TENM3: variants seen among roughly 807,000 people sequenced by gnomAD.
TENM3 encodes teneurin-3.
A neutral mutation model predicts 255.1 loss-of-function variants in TENM3; 63 were observed. The observed-to-expected ratio is 0.25, with a 90% confidence interval of 0.20 to 0.30. TENM3 has a LOEUF of 0.30. TENM3 is among the 10% of genes least tolerant of loss of function. TENM3 has a pLI of 1.00. For missense variants in TENM3, 2,929 were observed against 3,461.1 expected, an observed-to-expected ratio of 0.85 and a Z score of 3.86; for synonymous variants, 1,306 against 1,322.3, an observed-to-expected ratio of 0.99 and a Z score of 0.27.
At chr4:181,640,913 A>G in the TENM3 span, among the ~76,000 whole-genome samples, 1 of 152,204 alleles carries the variant, frequency 6.6e-6, no homozygotes, top group Non-Finnish European at 1.5e-5. Flanking sequence ...AATTCCATAG[A>G]AACCATAACA....
At chr4:182,659,575 C>T (rs998374037) in intron 6 of TENM3, among the ~76,000 whole-genome samples, 3 of 152,176 alleles carry the variant, frequency 2.0e-5, no homozygotes, top group Non-Finnish European at 4.4e-5. Context: ...CATCACTGGT[C>T]CAGGAGGCCC....
upstream of TENM3, among the ~76,000 whole-genome samples, chr4:182,239,068 TGTGTG>T (rs1757078297): frequency 6.7e-6 from 1 of 148,360 alleles, no homozygotes; most frequent in African/African-American, 2.6e-5. Context: ...TGTGTGTGTG[TGTGTG>T]TATTTTTTTT....
the TENM3 span, among the ~76,000 whole-genome samples, chr4:181,949,910 G>T: frequency 6.6e-6 from 1 of 151,906 alleles, no homozygotes; most frequent in Non-Finnish European, 1.5e-5. Context: ...CTTCCTCCAG[G>T]CCTCTGCACA....
intron 1 of TENM3, among the ~76,000 whole-genome samples, chr4:182,299,696 GAGATGGGACAAGTA>G (rs1258123501): frequency 6.6e-6 from 1 of 152,026 alleles, no homozygotes; most frequent in East Asian, 1.9e-4. Context: ...CCCCATTGTA[GAGATGGGACAAGTA>G]AGTTAAATTA....
At chr4:181,941,269 T>C in the TENM3 span, among the ~76,000 whole-genome samples, 4 of 152,008 alleles carry the variant, frequency 2.6e-5, no homozygotes, top group Admixed American at 1.3e-4. Context: ...ATACCACCTC[T>C]TCCTCATTCT....
At chr4:182,133,023 C>T in the TENM3 span, among the ~76,000 whole-genome samples, 5 of 152,058 alleles carry the variant, frequency 3.3e-5, no homozygotes, top group Non-Finnish European at 5.9e-5. Context: ...GTAGGCCAGG[C>T]GAGTCAGGAG....
the TENM3 span, among the ~76,000 whole-genome samples, chr4:181,676,811 T>C: frequency 1.3e-5 from 2 of 152,174 alleles, no homozygotes; most frequent in East Asian, 1.9e-4. Flanking sequence ...CCCAAAATGA[T>C]TCACTTTGAT....
the TENM3 span, among the ~76,000 whole-genome samples, chr4:181,848,727 A>C: frequency 1.3e-5 from 2 of 152,224 alleles, no homozygotes; most frequent in Non-Finnish European, 2.9e-5. Flanking sequence ...AAATTTGTTT[A>C]AGGACAAAAA....
chr4:182,177,964 T>TTG (rs1554026699), intron 1 of TENM3, among the ~76,000 whole-genome samples: 2 of 137,910 alleles, frequency 1.5e-5, no homozygotes, highest in Non-Finnish European at 3.3e-5. Flanking sequence ...TTTTGTTTTT[T>TTG]TTTTTTTTTT....
intron 1 of TENM3, among the ~76,000 whole-genome samples, chr4:182,314,160 G>C (rs1762610038): frequency 6.6e-6 from 1 of 152,054 alleles, no homozygotes; most frequent in Admixed American, 6.6e-5. Context: ...AATTAGCCGG[G>C]CGCTTTGGCA....
the TENM3 span, among the ~76,000 whole-genome samples, chr4:181,697,888 A>G: frequency 1.3e-5 from 2 of 152,110 alleles, no homozygotes; most frequent in Non-Finnish European, 2.9e-5. Flanking sequence ...TGCTCCTAAT[A>G]TCTAAAAAAA....
the TENM3 span, among the ~76,000 whole-genome samples, chr4:181,884,928 T>G: frequency 6.6e-6 from 1 of 152,164 alleles, no homozygotes; most frequent in Non-Finnish European, 1.5e-5. Context: ...TTCTTAATTT[T>G]TATAAAAATT....
the TENM3 span, among the ~76,000 whole-genome samples, chr4:181,570,956 A>G: frequency 4.6e-5 from 7 of 152,328 alleles, no homozygotes; most frequent in African/African-American, 1.7e-4. Context: ...TGTTCAGTGT[A>G]GATCTGACGT....
At chr4:181,920,925 G>A in the TENM3 span, among the ~76,000 whole-genome samples, 2 of 152,202 alleles carry the variant, frequency 1.3e-5, no homozygotes, top group African/African-American at 4.8e-5. Context: ...GTGTAAGGAA[G>A]GGATCCAGGT....
At chr4:181,921,559 G>C in the TENM3 span, among the ~76,000 whole-genome samples, 1 of 152,196 alleles carries the variant, frequency 6.6e-6, no homozygotes, top group Non-Finnish European at 1.5e-5. Context: ...GTATAAGAAT[G>C]CTTGTGATTT....
intron 1 of TENM3, among the ~76,000 whole-genome samples, chr4:182,263,460 C>T (rs1759005494): frequency 1.3e-5 from 2 of 152,134 alleles, no homozygotes; most frequent in South Asian, 4.1e-4. Context: ...TAAAGTCCGC[C>T]TCTGCTAAGA....
At chr4:182,714,745 G>T (rs2152679891) in intron 13 of TENM3, among the ~76,000 whole-genome samples, 1 of 152,214 alleles carries the variant, frequency 6.6e-6, no homozygotes, top group East Asian at 1.9e-4. Context: ...ATTCCACCCA[G>T]TTGAAGCCCT....
chr4:182,030,256 CCA>C, the TENM3 span, among the ~76,000 whole-genome samples: 1 of 151,906 alleles, frequency 6.6e-6, no homozygotes, highest in Non-Finnish European at 1.5e-5. Context: ...ATGACAGGCC[CCA>C]GTGTTTTGTG....
intron 1 of TENM3, among the ~76,000 whole-genome samples, chr4:182,312,106 C>T (rs1762482712): frequency 6.6e-6 from 1 of 152,194 alleles, no homozygotes; most frequent in South Asian, 2.1e-4. Flanking sequence ...CATAGTTCCT[C>T]ATCTCTATAA....
Sources: gnomAD v4.1 joint callset for allele counts (sites outside exome capture counted in the v4.1 genomes callset) on GRCh38, gnomAD v4.1.1 for gene constraint, MANE v1.5 for transcripts, NCBI Gene and HGNC (gene_info 2026-07-23, HGNC 2026-07-21) for gene names.